Variants in CDC25B observed in about 807,000 individuals in gnomAD.
CDC25B encodes cell division cycle 25B.
Under a neutral mutation model 69.8 loss-of-function variants are expected in CDC25B, and 33 were observed. That is an observed-to-expected ratio of 0.47 (90% CI 0.36 to 0.63). The LOEUF (loss-of-function observed/expected upper bound fraction) is 0.63. Ranked by LOEUF, CDC25B falls within the 30% of genes least tolerant of loss-of-function variation. The pLI is 0.00. For missense variants in CDC25B, 727 were observed against 809.1 expected (o/e 0.90, Z 1.23); for synonymous variants, 341 against 314.6 (o/e 1.08, Z -0.89).
intron 14 of CDC25B, 71 bp from the exon 15 acceptor site, chr20:3,804,498 G>A: frequency 1.1e-6 from 1 of 947,592 alleles, no homozygotes; most frequent in Middle Eastern, 2.1e-4. Context: ...AGGGGACGTG[G>A]GGGATAGGTC....
rs1040579784 is a variant in CDC25B, at chr20:3,804,837, A to C, written c.1619A>C (p.Gln540Pro). 1.2e-6 allele frequency: 2 copies of C among 1,614,132 alleles called. No individual in the cohort carries two copies. The highest frequency in any genetic ancestry group is 1.3e-5 in the African/African-American group (1 of 75,058). ...CTGCCCTAGAACTTCTGTGAACCCC[A>C]GGACTACCGGCCCATGAACCACGAG... ...FPQHPNFCEP[Q>P]DYRPMNHEAF... Residue 540 changes from glutamine to proline, a missense_variant, in exon 16 of 16, where the codon CAG (glutamine) becomes CCG (proline). Gln to Pro is a moderately conservative substitution (Grantham distance 76). Transcript: ENST00000245960.
At chr20:3,804,026 G>GGCTCCCC (rs1028088070) in intron 14 of CDC25B, among the ~76,000 whole-genome samples, 1 of 152,196 alleles carries the variant, frequency 6.6e-6, no homozygotes, top group African/African-American at 2.4e-5. Context: ...GACTGCTAGT[G>GGCTCCCC]GCTCCCCAGC....
chr20:3,796,291 G>A (rs1366754226), upstream of CDC25B: 13 of 1,361,672 alleles, frequency 9.5e-6, no homozygotes, highest in African/African-American at 1.9e-4. Context: ...ATAAGGAGGT[G>A]GAAGTGGCAG....
At chr20:3,798,495 C>G (rs1424463901) in intron 3 of CDC25B, 32 bp downstream of exon 3, 7 of 1,510,182 alleles carry the variant, frequency 4.6e-6, no homozygotes, top group Non-Finnish European at 6.3e-6. Flanking sequence ...TACTTCCAAG[C>G]ATTCAGCACC....
rs781064452 is a variant in CDC25B, at chr20:3,805,140, C to T, written c.*179C>T. 3 of 653,656 alleles carry T rather than the reference C, an allele frequency of 4.6e-6. No individual in the cohort carries two copies. The highest frequency in any genetic ancestry group is 2.9e-5 in the Admixed American group (1 of 33,936). The allele number at this position is 653,656 out of a possible 1,614,324, so 40.5% of individuals were successfully genotyped here. On this transcript the variant is annotated 3_prime_UTR_variant, in exon 16 of 16. Transcript: ENST00000245960. Reference sequence around the variant, plus strand: ...TCCCCTGTGTCATCCCATCATTTTCCATATCCTGGTGCCCCCCACCCCTGG... The same window carrying T: ...TCCCCTGTGTCATCCCATCATTTTCTATATCCTGGTGCCCCCCACCCCTGG...
At position 3,803,559 on chromosome 20, in the gene CDC25B, C is replaced by G. The variant is rs1225004840; in HGVS notation, c.1490+22C>G. The G allele has an allele frequency of 6.2e-7, 1 of 1,613,538 alleles. No individual in the cohort carries two copies. Among genetic ancestry groups the G allele is most frequent in the African/African-American group, 1.3e-5 (1 of 75,064 alleles). ...GCATGTGAGTCCCAGCTCCGCCCAG[C>G]CAGCTAGTGTCTGCCCTGGCCTTCC... On this transcript the variant is annotated intron_variant, in intron 14 of 15. Coordinates refer to ENST00000245960, the MANE Select transcript of CDC25B (RefSeq NM_021873.4). This position sits in a 1 kb window ranked among gnomAD's most constrained non-coding sequence, Gnocchi z 4.9.
Position 3,802,586 on chromosome 20 carries a change from T to G in CDC25B, c.1194+210T>G, listed in dbSNP as rs2089325968. ...TCCACCTCAAGTCAGTCCAGGCATC[T>G]GTTGAGTCTCCGTCTTATTTCCAAG... On this transcript the variant is annotated intron_variant, in intron 11 of 15. Coordinates refer to ENST00000245960, the MANE Select transcript of CDC25B (RefSeq NM_021873.4). 8.3e-6 allele frequency: 5 copies of G among 600,892 alleles called. No individual in the cohort carries two copies. The East Asian group carries it at 1.4e-4, about 17-fold the overall frequency. The allele number at this position is 600,892 out of a possible 1,614,324, so 37.2% of individuals were successfully genotyped here. A position where few individuals can be genotyped will look rare whatever the true frequency, so the allele number is the denominator to read the frequency against.
rs371427524 is a variant in CDC25B, at chr20:3,790,624, G to A, written c.8+3485G>A. On this transcript the variant is annotated intron_variant, in intron 1 of 15. Transcript: ENST00000344256. ...ATCACGAGGTCACCCAGGCTAGAGT[G>A]CAATGGTGCAATGTCAGCTCACTGC... Among the ~76,000 whole-genome samples the A allele has an allele frequency of 3.9e-5, 6 of 151,988 alleles. No individual in the cohort carries two copies. The East Asian group carries it at 7.8e-4, about 20-fold the overall frequency.
chr20:3,791,736 A>T (rs1333278997), upstream of CDC25B, among the ~76,000 whole-genome samples: 1 of 152,202 alleles, frequency 6.6e-6, no homozygotes, highest in Non-Finnish European at 1.5e-5. Context: ...CCTCCCTAGG[A>T]ATTCATCTTG....
At position 3,803,580 on chromosome 20, in the gene CDC25B, C is replaced by T; in HGVS notation, c.1490+43C>T. The T allele has an allele frequency of 6.2e-7, 1 of 1,611,954 alleles. No individual in the cohort carries two copies. Among genetic ancestry groups the T allele is most frequent in the Non-Finnish European group, 8.5e-7 (1 of 1,179,544 alleles). On this transcript the variant is annotated intron_variant, in intron 14 of 15. Transcript: ENST00000245960. This position sits in a 1 kb window ranked among gnomAD's most constrained non-coding sequence, Gnocchi z 4.9. ...CCAGCCAGCTAGTGTCTGCCCTGGC[C>T]TTCCCTGCCCAGGCTCACAGGTGCT...
chr20:3,797,696 G>C lies in CDC25B; in HGVS notation c.275G>C (p.Arg92Pro), dbSNP rs895721277. ...CGCCTGACGCACCTATCCCTGTCTC[G>C]ACGGGCATCCGAATCCTCCCTGTCG... ...RSRLTHLSLS[R>P]RASESSLSSE... Residue 92 changes from arginine to proline, a missense_variant, in exon 2 of 16, where the codon CGA becomes CCA. Around this residue, in one of 2 missense-constraint regions of CDC25B, gnomAD observed 368 missense variants for 345.6 expected, o/e 1.06. Coordinates refer to ENST00000245960, the MANE Select transcript of CDC25B (RefSeq NM_021873.4). 6.2e-6 allele frequency: 10 copies of C among 1,613,968 alleles called. No homozygotes were observed. The highest frequency in any genetic ancestry group is 8.5e-6 in the Non-Finnish European group (10 of 1,180,026).
At chr20:3,790,318 C>T (rs1264747393) in intron 1 of CDC25B, among the ~76,000 whole-genome samples, 4 of 151,176 alleles carry the variant, frequency 2.6e-5, no homozygotes, top group African/African-American at 7.3e-5. Context: ...ATACAATTCA[C>T]CCATTTAAAG....
At position 3,804,839 on chromosome 20, in the gene CDC25B, G is replaced by A. The variant is rs759376867; in HGVS notation, c.1621G>A (p.Asp541Asn). 4 of 1,614,120 alleles carry A rather than the reference G, an allele frequency of 2.5e-6. No individual in the cohort carries two copies. In the South Asian group the frequency reaches 4.4e-5, roughly 18 times the overall value. The change falls in exon 16 of 16, where the codon GAC becomes AAC. Residue 541 changes from aspartate to asparagine, a missense_variant. Coordinates refer to ENST00000245960, the MANE Select transcript of CDC25B (RefSeq NM_021873.4). ...GCCCTAGAACTTCTGTGAACCCCAG[G>A]ACTACCGGCCCATGAACCACGAGGC... ...PQHPNFCEPQDYRPMNHEAFK... is the reference protein window; with the variant it reads ...PQHPNFCEPQNYRPMNHEAFK...
intron 1 of CDC25B, 101 bp from the exon 2 acceptor site, chr20:3,797,521 G>T: frequency 1.4e-6 from 2 of 1,443,528 alleles, no homozygotes; most frequent in Non-Finnish European, 1.9e-6. Context: ...GTAGTGTTTC[G>T]CTCAGTTCTT....
chr20:3,800,120 T>C (rs2089219637), intron 3 of CDC25B, among the ~76,000 whole-genome samples, 168 bp from the exon 4 acceptor site: 1 of 151,960 alleles, frequency 6.6e-6, no homozygotes, highest in Non-Finnish European at 1.5e-5. Flanking sequence ...CCCTCCCCAA[T>C]ACCTGGGCCC....
In CDC25B at chr20:3,796,458, C is replaced by T; in HGVS notation, c.-74C>T. 8.7e-7 allele frequency: 1 copy of T among 1,153,104 alleles called. No homozygotes were observed. The highest frequency in any genetic ancestry group is 1.1e-6 in the Non-Finnish European group (1 of 925,694). The allele number at this position is 1,153,104 out of a possible 1,614,324, so 71.4% of individuals were successfully genotyped here. A position where few individuals can be genotyped will look rare whatever the true frequency, so the allele number is the denominator to read the frequency against. On this transcript the variant is annotated 5_prime_UTR_variant, in exon 1 of 16. Transcript: ENST00000245960. ...CCCTCGCCCGCTGCCTCCCTCGGCC[C>T]AGCCAGCTGTGCCGGCGTTTGTTGG... is the stretch of plus-strand genomic sequence containing the variant.
intron 8 of CDC25B, 26 bp downstream of exon 8, chr20:3,801,414 C>T: frequency 6.4e-7 from 1 of 1,573,122 alleles, no homozygotes; most frequent in East Asian, 2.3e-5. Flanking sequence ...CCACCAGGCC[C>T]CTACCTTCCT....
At chr20:3,797,893 A>G (rs2089122611) in intron 2 of CDC25B, 144 bp downstream of exon 2, 2 of 982,244 alleles carry the variant, frequency 2.0e-6, no homozygotes, top group Non-Finnish European at 3.0e-6. Context: ...CACCCTCCAC[A>G]GAAATGGGAG....
At chr20:3,789,058 C>T (rs1431376502) in intron 1 of CDC25B, among the ~76,000 whole-genome samples, 1 of 152,186 alleles carries the variant, frequency 6.6e-6, no homozygotes, top group East Asian at 1.9e-4. Flanking sequence ...CATTTCCATC[C>T]CCTCTCAAGT....
Sources: gnomAD v4.1 joint callset for allele counts (sites outside exome capture counted in the v4.1 genomes callset) on GRCh38, gnomAD v4.1.1 for gene constraint, gnomAD v4.1.1 regional missense constraint, Gnocchi (gnomAD v3.1) non-coding constraint, MANE v1.5 for transcripts, NCBI Gene and HGNC (gene_info 2026-07-23, HGNC 2026-07-21) for gene names.